EXOC6B: variants seen among roughly 807,000 people sequenced by gnomAD.
EXOC6B encodes the protein exocyst complex component 6B.
EXOC6B carries 54 observed loss-of-function variants against 113.5 expected under a neutral mutation model. The observed-to-expected ratio is 0.48, with a 90% CI of 0.38 to 0.60. The LOEUF (loss-of-function observed/expected upper bound fraction) is 0.60, where lower values mean the gene tolerates loss of function less well. Ranked by LOEUF, EXOC6B falls within the 20% of genes least tolerant of loss-of-function variation. The pLI, the probability that EXOC6B is intolerant of heterozygous loss-of-function variation, is 0.00. For synonymous variants in EXOC6B, 357 were observed against 339.0 expected, an observed-to-expected ratio of 1.05 and a Z score of -0.58; for missense variants, 797 against 977.5, an observed-to-expected ratio of 0.82 and a Z score of 2.46.
intron 15 of EXOC6B, among the ~76,000 whole-genome samples, chr2:72,494,614 G>A (rs182505074): frequency 4.1e-4 from 62 of 151,806 alleles, no homozygotes; most frequent in African/African-American, 1.4e-3. Context: ...AAAATTTTCC[G>A]AGCTGGGTAC....
At chr2:72,636,987 G>A (rs941401167) in intron 6 of EXOC6B, among the ~76,000 whole-genome samples, 2 of 149,840 alleles carry the variant, frequency 1.3e-5, no homozygotes, top group Non-Finnish European at 3.0e-5. Context: ...ATATAACATC[G>A]ATAGCAAAAG....
At chr2:72,347,897 C>A (rs1689426543) in intron 19 of EXOC6B, among the ~76,000 whole-genome samples, 1 of 152,098 alleles carries the variant, frequency 6.6e-6, no homozygotes, top group Non-Finnish European at 1.5e-5. Flanking sequence ...AGGGCACTAT[C>A]AAAACCCATA....
intron 18 of EXOC6B, among the ~76,000 whole-genome samples, chr2:72,398,351 C>T (rs1219041519): frequency 5.3e-5 from 8 of 152,096 alleles, no homozygotes; most frequent in African/African-American, 1.9e-4. Flanking sequence ...CATTCAGACA[C>T]AAACTGAACC....
At chr2:72,189,252 T>C (rs1186235156) in intron 20 of EXOC6B, among the ~76,000 whole-genome samples, 2 of 152,224 alleles carry the variant, frequency 1.3e-5, no homozygotes, top group Non-Finnish European at 2.9e-5. Context: ...TTATATGATA[T>C]TGATACTTTT....
intron 20 of EXOC6B, among the ~76,000 whole-genome samples, chr2:72,285,626 A>C (rs571785723): frequency 1.2e-4 from 19 of 152,270 alleles, no homozygotes; most frequent in African/African-American, 4.6e-4. Context: ...CATGAAATAC[A>C]ATATTTATAA....
chr2:72,681,656 G>C (rs971728487), intron 6 of EXOC6B, among the ~76,000 whole-genome samples: 1 of 151,930 alleles, frequency 6.6e-6, no homozygotes, highest in Admixed American at 6.6e-5. Flanking sequence ...CTATATACTT[G>C]AGCCAACTCT....
chr2:72,625,693 AATGT>A (rs1573509474), intron 6 of EXOC6B, among the ~76,000 whole-genome samples: 1 of 152,172 alleles, frequency 6.6e-6, no homozygotes, highest in East Asian at 1.9e-4. Context: ...CAAGATCCCA[AATGT>A]AATGTATTCT....
chr2:72,658,932 A>C (rs1674807076), intron 6 of EXOC6B, among the ~76,000 whole-genome samples: 1 of 152,088 alleles, frequency 6.6e-6, no homozygotes, highest in Non-Finnish European at 1.5e-5. Context: ...AATTCAGAGT[A>C]AAGCACGAAA....
chr2:72,262,154 T>A (rs189640524), intron 20 of EXOC6B, among the ~76,000 whole-genome samples: 1 of 152,136 alleles, frequency 6.6e-6, no homozygotes, highest in African/African-American at 2.4e-5. Context: ...ACAAAAGGAA[T>A]TAATGAAAAA....
At chr2:72,734,180 T>G (rs1239249561) in intron 2 of EXOC6B, among the ~76,000 whole-genome samples, 1 of 152,162 alleles carries the variant, frequency 6.6e-6, no homozygotes, top group Non-Finnish European at 1.5e-5. Context: ...AAATCACTGC[T>G]CTGAACGATA....
chr2:72,486,327 C>A (rs1193580683), intron 16 of EXOC6B, among the ~76,000 whole-genome samples: 1 of 151,714 alleles, frequency 6.6e-6, no homozygotes, highest in Non-Finnish European at 1.5e-5. Flanking sequence ...CGAGATCAGG[C>A]CACTGCACTC....
intron 18 of EXOC6B, among the ~76,000 whole-genome samples, chr2:72,453,296 T>C (rs144831660): frequency 0.012 from 1,754 of 152,240 alleles, 35 homozygotes; most frequent in African/African-American, 0.039. Flanking sequence ...ATGTGGATAT[T>C]TTTTGTTTCA....
chr2:72,470,221 T>C (rs551138088), intron 17 of EXOC6B, among the ~76,000 whole-genome samples: 1 of 152,320 alleles, frequency 6.6e-6, no homozygotes, highest in East Asian at 1.9e-4. Context: ...GTATGGTATT[T>C]CTTTCCATTT....
intron 2 of EXOC6B, among the ~76,000 whole-genome samples, chr2:72,740,142 G>A (rs552001117): frequency 2.0e-5 from 3 of 152,112 alleles, no homozygotes; most frequent in African/African-American, 7.2e-5. Flanking sequence ...AATTATTATA[G>A]CTTTAGAATA....
intron 17 of EXOC6B, 66 bp downstream of exon 17, chr2:72,480,550 G>A: frequency 1.5e-6 from 2 of 1,370,396 alleles, no homozygotes; most frequent in Admixed American, 2.8e-5. Flanking sequence ...ACAAGGCCAT[G>A]TTAGGTAGAA....
chr2:72,181,369 T>C (rs1293010672), intron 21 of EXOC6B, among the ~76,000 whole-genome samples: 1 of 152,094 alleles, frequency 6.6e-6, no homozygotes, highest in Non-Finnish European at 1.5e-5. Flanking sequence ...CTGCGCTAGT[T>C]GAAGAGAAAG....
At chr2:72,359,257 G>A (rs1443881650) in intron 19 of EXOC6B, among the ~76,000 whole-genome samples, 1 of 152,100 alleles carries the variant, frequency 6.6e-6, no homozygotes, top group African/African-American at 2.4e-5. Context: ...AAGTTTTTAG[G>A]AGGTGATTAG....
chr2:72,401,623 A>ATATATATATATATATATG (rs1693296327), intron 18 of EXOC6B, among the ~76,000 whole-genome samples: 1 of 36,336 alleles, frequency 2.8e-5, no homozygotes, highest in East Asian at 5.8e-4. Context: ...ATATATATAC[A>ATATATATATATATATATG]TATATATATA....
chr2:72,676,308 A>G (rs1023884639), intron 6 of EXOC6B, among the ~76,000 whole-genome samples: 1 of 152,178 alleles, frequency 6.6e-6, no homozygotes, highest in Non-Finnish European at 1.5e-5. Flanking sequence ...ACTACAAAGC[A>G]TCTGATTTAG....
Sources: gnomAD v4.1 joint callset for allele counts (sites outside exome capture counted in the v4.1 genomes callset) on GRCh38, gnomAD v4.1.1 for gene constraint, MANE v1.5 for transcripts, NCBI Gene and HGNC (gene_info 2026-07-23, HGNC 2026-07-21) for gene names.